Variants in BMPR1A observed in about 807,000 individuals in gnomAD.
BMPR1A encodes the protein bone morphogenetic protein receptor type 1A, also known as bone morphogenetic protein receptor type-1A.
A neutral mutation model predicts 66.0 loss-of-function variants in BMPR1A; 7 were observed. The ratio of observed to expected loss-of-function variants is 0.11; its 90% CI spans 0.06 to 0.20. BMPR1A has a LOEUF of 0.20. BMPR1A is among the 10% of genes least tolerant of loss of function. BMPR1A has a pLI of 1.00. For synonymous variants in BMPR1A, 200 were observed against 229.7 expected (o/e 0.87, Z 1.17); for missense variants, 408 against 669.1 (o/e 0.61, Z 4.31).
chr10:86,896,126 C>G (rs1020877673), intron 5 of BMPR1A, among the ~76,000 whole-genome samples: 1 of 150,706 alleles, frequency 6.6e-6, no homozygotes, highest in African/African-American at 2.4e-5. Flanking sequence ...TGCACTCTAG[C>G]CTGGGTAACA....
chr10:86,879,564 G>A (rs1842961163), intron 3 of BMPR1A, among the ~76,000 whole-genome samples: 1 of 152,192 alleles, frequency 6.6e-6, no homozygotes, highest in South Asian at 2.1e-4. Context: ...CTGTTGCTGG[G>A]TACCACATTT....
At chr10:86,779,700 G>C (rs1362021486) in intron 1 of BMPR1A, among the ~76,000 whole-genome samples, 2 of 152,102 alleles carry the variant, frequency 1.3e-5, no homozygotes, top group African/African-American at 4.8e-5. Flanking sequence ...CCTGGGCTTA[G>C]GCAATCCTCC....
At chr10:86,876,386 CAGTT>C (rs1205630343) in intron 3 of BMPR1A, among the ~76,000 whole-genome samples, 1 of 152,204 alleles carries the variant, frequency 6.6e-6, no homozygotes, top group Non-Finnish European at 1.5e-5. Flanking sequence ...AAAGCCACCT[CAGTT>C]AGTAGCTGAA....
chr10:86,789,933 G>T (rs934951836), intron 1 of BMPR1A, among the ~76,000 whole-genome samples: 3 of 150,594 alleles, frequency 2.0e-5, no homozygotes, highest in African/African-American at 7.3e-5. Flanking sequence ...GAGGAGGGCA[G>T]ATCATGAGGT....
chr10:86,787,289 T>C (rs1447909762), intron 1 of BMPR1A, among the ~76,000 whole-genome samples: 1 of 152,238 alleles, frequency 6.6e-6, no homozygotes. Context: ...ACTGTTTGGA[T>C]ACTTGGATTT....
intron 1 of BMPR1A, among the ~76,000 whole-genome samples, chr10:86,809,942 T>C (rs563888014): frequency 2.6e-5 from 4 of 151,114 alleles, no homozygotes; most frequent in Non-Finnish European, 4.4e-5. Flanking sequence ...CACGTATCAG[T>C]ACTTCATTTC....
At chr10:86,889,425 C>T (rs1843116799) in intron 3 of BMPR1A, 3 of 152,344 alleles carry the variant, frequency 2.0e-5, no homozygotes, top group Admixed American at 6.5e-5. Context: ...CATAGAGGCA[C>T]AAATAAAGGA....
chr10:86,758,944 A>G (rs1326415424), intron 1 of BMPR1A, among the ~76,000 whole-genome samples: 1 of 152,252 alleles, frequency 6.6e-6, no homozygotes, highest in Non-Finnish European at 1.5e-5. Context: ...GGTCCAAGGC[A>G]GTAAGATACA....
intron 2 of BMPR1A, among the ~76,000 whole-genome samples, chr10:86,839,261 G>A (rs142312668): frequency 8.1e-4 from 123 of 152,238 alleles, no homozygotes; most frequent in African/African-American, 2.9e-3. Context: ...AGCATTAAAT[G>A]GTTTATATGT....
At chr10:86,876,296 A>C (rs575640180) in intron 3 of BMPR1A, among the ~76,000 whole-genome samples, 2 of 152,302 alleles carry the variant, frequency 1.3e-5, no homozygotes, top group South Asian at 4.1e-4. Flanking sequence ...TCTCAGTCTG[A>C]GTCTGTCTTC....
intron 1 of BMPR1A, among the ~76,000 whole-genome samples, chr10:86,832,575 C>A (rs912051978): frequency 1.1e-4 from 17 of 152,162 alleles, no homozygotes; most frequent in African/African-American, 4.1e-4. Flanking sequence ...TCACCTCCCA[C>A]AATCACTGCC....
intron 2 of BMPR1A, 132 bp from the exon 3 acceptor site, chr10:86,875,735 G>T (rs925096330): frequency 2.0e-4 from 94 of 461,342 alleles, no homozygotes; most frequent in Non-Finnish European, 3.1e-4. Context: ...AAAAAAGCAA[G>T]GATACCTTTA....
intron 1 of BMPR1A, among the ~76,000 whole-genome samples, chr10:86,826,293 C>A (rs183464545): frequency 1.3e-5 from 2 of 152,026 alleles, no homozygotes; most frequent in East Asian, 3.9e-4. Context: ...TTATTTTCTT[C>A]CCCAGAACAG....
intron 1 of BMPR1A, among the ~76,000 whole-genome samples, chr10:86,798,842 C>T (rs1841764618): frequency 6.6e-6 from 1 of 152,192 alleles, no homozygotes; most frequent in South Asian, 2.1e-4. Context: ...ACTGTAAGCT[C>T]ATGTGAGTGG....
chr10:86,775,606 C>T (rs1014915321), intron 1 of BMPR1A, among the ~76,000 whole-genome samples: 2 of 151,812 alleles, frequency 1.3e-5, no homozygotes, highest in African/African-American at 4.8e-5. Context: ...TAGTAATCTG[C>T]AGAAATACCA....
intron 2 of BMPR1A, among the ~76,000 whole-genome samples, chr10:86,846,700 C>T (rs1301213623): frequency 6.6e-6 from 1 of 151,916 alleles, no homozygotes; most frequent in African/African-American, 2.4e-5. Flanking sequence ...GACTCTGTCC[C>T]CCGCCGCCCA....
intron 3 of BMPR1A, among the ~76,000 whole-genome samples, chr10:86,879,394 A>C (rs1045010850): frequency 1.7e-4 from 26 of 152,282 alleles, no homozygotes; most frequent in African/African-American, 5.8e-4. Flanking sequence ...TGGCAAGGGG[A>C]ATGGAACTAA....
At chr10:86,836,816 C>CT (rs1842354774) in intron 1 of BMPR1A, among the ~76,000 whole-genome samples, 1 of 151,972 alleles carries the variant, frequency 6.6e-6, no homozygotes, top group African/African-American at 2.4e-5. Flanking sequence ...ACCTGTAGTC[C>CT]CAGCTACTCG....
At chr10:86,765,989 CT>C (rs67035271) in intron 1 of BMPR1A, among the ~76,000 whole-genome samples, 68 of 131,728 alleles carry the variant, frequency 5.2e-4, no homozygotes, top group Non-Finnish European at 6.5e-4. Context: ...TTTCCTCATT[CT>C]TTTTTTTTTT....
Sources: allele counts gnomAD v4.1 joint callset (sites outside exome capture counted in the v4.1 genomes callset), GRCh38; gene constraint gnomAD v4.1.1; transcripts MANE v1.5; gene names NCBI Gene and HGNC (gene_info 2026-07-23, HGNC 2026-07-21).